The following WDR86 variants were observed in gnomAD, a reference collection of about 807,000 sequenced individuals.
The protein encoded by WDR86 is WD repeat domain 86, also known as WD repeat-containing protein 86.
In WDR86, 30 loss-of-function variants were observed where a neutral mutation model predicts 36.5. That is an observed-to-expected ratio of 0.82 (90% CI 0.61 to 1.11). The LOEUF is 1.11. WDR86 is among the 50% of genes most tolerant of loss of function. The pLI is 0.00. For synonymous variants in WDR86, 255 were observed against 252.9 expected (o/e 1.01, Z -0.08); for missense variants, 545 against 561.2 (o/e 0.97, Z 0.29).
At chr7:151,370,320 C>T in the WDR86 span, among the ~76,000 whole-genome samples, 1 of 152,084 alleles carries the variant, frequency 6.6e-6, no homozygotes, top group Non-Finnish European at 1.5e-5. Context: ...AACTCCTGAC[C>T]TCAAGTGATC....
At chr7:151,376,836 G>A (rs762947697), downstream of WDR86, 89 of 1,551,658 alleles carry the variant, frequency 5.7e-5, no homozygotes, top group Admixed American at 3.9e-5. Flanking sequence ...TTTGAGGGCC[G>A]CATTGAGAGC....
the WDR86 span, among the ~76,000 whole-genome samples, chr7:151,370,534 CTTTAA>C: frequency 6.6e-6 from 1 of 151,486 alleles, no homozygotes; most frequent in Admixed American, 6.6e-5. Context: ...TTATTTTTTC[CTTTAA>C]TTTTATTTTA....
chr7:151,408,316 C>A (rs1348792129), intron 1 of WDR86, among the ~76,000 whole-genome samples: 2 of 151,586 alleles, frequency 1.3e-5, no homozygotes, highest in African/African-American at 2.4e-5. Flanking sequence ...CCTGCCTCAG[C>A]CTCCCGAGTA....
At chr7:151,404,914 CT>C (rs1484541364) in intron 1 of WDR86, among the ~76,000 whole-genome samples, 2 of 152,218 alleles carry the variant, frequency 1.3e-5, no homozygotes, top group Non-Finnish European at 2.9e-5. Flanking sequence ...CCTGGTGCCC[CT>C]GACTTGCGTG....
At chr7:151,373,542 C>T (rs780472478), downstream of WDR86, among the ~76,000 whole-genome samples, 4 of 152,290 alleles carry the variant, frequency 2.6e-5, no homozygotes, top group South Asian at 2.1e-4. Context: ...CTGTGGGTTC[C>T]GAATGGAATG....
At chr7:151,395,103 T>A (rs1799714936) in intron 3 of WDR86, among the ~76,000 whole-genome samples, 1 of 152,182 alleles carries the variant, frequency 6.6e-6, no homozygotes, top group Non-Finnish European at 1.5e-5. Context: ...GCCACACCAT[T>A]ACAGCGCTAT....
chr7:151,408,970 C>G (rs1563071429), intron 1 of WDR86: 1 of 474,244 alleles, frequency 2.1e-6, no homozygotes, highest in Non-Finnish European at 4.4e-6. Flanking sequence ...TGGCCCTTAA[C>G]AAGCGTCTAC....
chr7:151,376,436 C>T (rs1178883738), downstream of WDR86: 5 of 574,910 alleles, frequency 8.7e-6, no homozygotes, highest in Non-Finnish European at 1.5e-5. Context: ...CCCTGACGCA[C>T]CCGACTTGAG....
chr7:151,396,262 G>T, intron 2 of WDR86, 66 bp from the exon 3 acceptor site: 1 of 1,558,506 alleles, frequency 6.4e-7, no homozygotes, highest in South Asian at 1.1e-5. Flanking sequence ...ACAGCCTCCC[G>T]ACATGCCATG....
At chr7:151,393,110 G>A (rs766496102) in intron 3 of WDR86, among the ~76,000 whole-genome samples, 28 of 152,336 alleles carry the variant, frequency 1.8e-4, no homozygotes, top group Middle Eastern at 3.4e-3. Context: ...TCTGGCCCCC[G>A]GGTGCTCTCT....
chr7:151,401,747 G>T lies in WDR86; in HGVS notation c.164-1506C>A, dbSNP rs1434432767. On this transcript the variant is annotated intron_variant, in intron 1 of 5. Transcript: ENST00000334493. The surrounding 1 kb of genome is among the most constrained non-coding windows in gnomAD (Gnocchi z 4.3). ...GAGATTATCCTAGATTATCCGGGGG[G>T]TCCTAAATACAACCGCAAGTGGCCA... 6.6e-6 allele frequency among the ~76,000 whole-genome samples: 1 copy of T among 151,802 alleles called. No homozygotes were observed. The highest frequency in any genetic ancestry group is 6.6e-5 in the Admixed American group (1 of 15,236).
In WDR86 at chr7:151,400,171, G is replaced by T. The variant is rs751702470; in HGVS notation, c.234C>A (p.Thr78=). 4 of 1,612,272 alleles carry T rather than the reference G, an allele frequency of 2.5e-6. No homozygotes were observed. In the East Asian group the frequency reaches 8.9e-5, roughly 36 times the overall value. ...EAAFTCSADC[T]IRRWDVLTGQ... ...CGGTCAGCACGTCCCACCTCCTGAT[G>T]GTGCAGTCGGCGCTGCATGTGAAGG... Residue 78 remains threonine (T), a synonymous_variant, in exon 2 of 6, where the codon ACC becomes ACA. Coordinates refer to ENST00000334493, the MANE Select transcript of WDR86 (RefSeq NM_198285.3).
At chr7:151,408,194 C>CT (rs1167346483) in intron 1 of WDR86, among the ~76,000 whole-genome samples, 5,841 of 124,438 alleles carry the variant, frequency 0.047, 493 homozygotes, top group African/African-American at 0.15. Context: ...TTTTTCTTTT[C>CT]TTTTCTTTTT....
rs61743545 is a variant in WDR86 at position 151,396,045 on chromosome 7, T to C, written c.457A>G (p.Ser153Gly). The change falls in exon 3 of 6, where the codon AGC becomes GGC. Residue 153 changes from serine to glycine, a missense_variant. By Grantham distance (56) the Ser-to-Gly change is moderately conservative. Coordinates refer to ENST00000334493, the MANE Select transcript of WDR86 (RefSeq NM_198285.3). ...GCGGCCTCCTCCGCGCAGGGAGTGC[T>C]GGGGAGGTCCCACGGGGCAGAGTAG... ...LAYSAPWDLP[S>G]TPCAEEAAAG... The C allele has an allele frequency of 2.0e-4, 320 of 1,611,518 alleles. No homozygotes were observed. The highest frequency in any genetic ancestry group is 1.5e-3 in the Middle Eastern group (9 of 6,052).
chr7:151,375,941 C>A, exon 2 of WDR86: 9 of 1,604,952 alleles, frequency 5.6e-6, no homozygotes, highest in Non-Finnish European at 7.7e-6. Context: ...AAACATTGAC[C>A]GAGTGAGTGA....
At chr7:151,384,817 T>C (rs1798848698) in intron 4 of WDR86, among the ~76,000 whole-genome samples, 1 of 152,212 alleles carries the variant, frequency 6.6e-6, no homozygotes, top group African/African-American at 2.4e-5. Context: ...GATACACCCT[T>C]TGGGACATGC....
At chr7:151,371,086 T>A (rs1212828587), downstream of WDR86, among the ~76,000 whole-genome samples, 1 of 152,126 alleles carries the variant, frequency 6.6e-6, no homozygotes, top group Non-Finnish European at 1.5e-5. Context: ...TTAAAAGCCC[T>A]TGGAGAAAAT....
intron 3 of WDR86, among the ~76,000 whole-genome samples, chr7:151,394,670 C>G (rs1799679311): frequency 6.6e-6 from 1 of 152,244 alleles, no homozygotes; most frequent in African/African-American, 2.4e-5. Context: ...GTCGCGGCGG[C>G]TAAGGGCTGC....
intron 4 of WDR86, among the ~76,000 whole-genome samples, chr7:151,383,442 C>A (rs2150749347): frequency 6.6e-6 from 1 of 150,568 alleles, no homozygotes; most frequent in African/African-American, 2.5e-5. Context: ...CCATTTCACT[C>A]CAGCCTGGGC....
Sources: gnomAD v4.1 joint callset for allele counts (sites outside exome capture counted in the v4.1 genomes callset) on GRCh38, gnomAD v4.1.1 for gene constraint, Gnocchi (gnomAD v3.1) non-coding constraint, MANE v1.5 for transcripts, NCBI Gene and HGNC (gene_info 2026-07-23, HGNC 2026-07-21) for gene names.